TNS1: variants seen among roughly 807,000 people sequenced by gnomAD.
The protein encoded by TNS1 is tensin-1.
In TNS1, 62 loss-of-function variants were observed where a neutral mutation model predicts 168.6. That is an observed-to-expected ratio of 0.37 (90% CI 0.30 to 0.45). TNS1 has a LOEUF of 0.45. Among genes scored for constraint, TNS1 ranks in the 20% least tolerant of loss-of-function variants. The probability of loss-of-function intolerance (pLI) is 1.00; values close to 1 mark genes in which losing one functional copy is unlikely to be tolerated. For synonymous variants in TNS1, 934 were observed against 933.2 expected (o/e 1.00, Z -0.02); for missense variants, 2,240 against 2,339.4 (o/e 0.96, Z 0.88).
chr2:217,885,918 G>GCC (rs1951157095), intron 14 of TNS1, 99 bp from the exon 15 acceptor site: 3 of 1,554,324 alleles, frequency 1.9e-6, no homozygotes, highest in Non-Finnish European at 2.7e-6. Flanking sequence ...GGGTTAGTGG[G>GCC]AAACCTCTCT....
chr2:217,940,416 C>A (rs1575120120), intron 3 of TNS1, among the ~76,000 whole-genome samples: 1 of 152,322 alleles, frequency 6.6e-6, no homozygotes, highest in East Asian at 1.9e-4. Flanking sequence ...ACCAGAGGCA[C>A]TGGCAGCCGA....
chr2:217,861,633 C>A (rs894531769), intron 18 of TNS1, among the ~76,000 whole-genome samples: 10 of 152,258 alleles, frequency 6.6e-5, no homozygotes, highest in African/African-American at 2.4e-4. Context: ...CTACCAACTA[C>A]TAGCTTAAGG....
chr2:217,983,584 T>C (rs913854242), intron 2 of TNS1, among the ~76,000 whole-genome samples: 11 of 152,218 alleles, frequency 7.2e-5, no homozygotes, highest in African/African-American at 2.7e-4. Flanking sequence ...CTGGGGTTGC[T>C]TCCTGCCTCT....
At chr2:217,844,011 A>G (rs1265224062) in intron 19 of TNS1, among the ~76,000 whole-genome samples, 1 of 152,024 alleles carries the variant, frequency 6.6e-6, no homozygotes, top group Non-Finnish European at 1.5e-5. Context: ...GTCTAACACC[A>G]AGGCTTCATC....
chr2:217,841,670 G>A (rs755195325), intron 19 of TNS1, among the ~76,000 whole-genome samples: 28 of 152,002 alleles, frequency 1.8e-4, no homozygotes, highest in African/African-American at 3.9e-4. Flanking sequence ...GAGAATTCAC[G>A]CATCCCTCAC....
chr2:217,889,745 G>A (rs113823704), intron 12 of TNS1, among the ~76,000 whole-genome samples: 69 of 152,254 alleles, frequency 4.5e-4, no homozygotes, highest in African/African-American at 1.5e-3. Context: ...CTTGCCTGGC[G>A]GATTCAGCAC....
intron 4 of TNS1, among the ~76,000 whole-genome samples, chr2:217,910,949 G>T (rs1954335406): frequency 6.6e-6 from 1 of 152,104 alleles, no homozygotes; most frequent in Admixed American, 6.5e-5. Context: ...CCACTGCCAG[G>T]CTCATCTCAC....
At chr2:218,001,570 G>A (rs1559408424) in intron 1 of TNS1, among the ~76,000 whole-genome samples, 2 of 152,100 alleles carry the variant, frequency 1.3e-5, no homozygotes, top group East Asian at 1.9e-4. Flanking sequence ...GCACAGAGAC[G>A]AACCTGGCCA....
intron 2 of TNS1, among the ~76,000 whole-genome samples, chr2:217,988,222 C>G (rs1358215784): frequency 6.6e-6 from 1 of 152,224 alleles, no homozygotes; most frequent in Non-Finnish European, 1.5e-5. Flanking sequence ...TCCACTCACC[C>G]TCCCCTCCGG....
At chr2:218,025,440 G>A (rs1218616356) in intron 1 of TNS1, among the ~76,000 whole-genome samples, 1 of 152,080 alleles carries the variant, frequency 6.6e-6, no homozygotes. Context: ...AGTAGAGACT[G>A]GGTTTTACCA....
At chr2:217,903,575 C>T in intron 6 of TNS1, 2 of 1,534,268 alleles carry the variant, frequency 1.3e-6, no homozygotes, top group Non-Finnish European at 1.7e-6. Context: ...ACTCTCTAAA[C>T]ACCAAACAGA....
chr2:217,931,108 C>T (rs1377258098), intron 3 of TNS1, among the ~76,000 whole-genome samples: 3 of 152,104 alleles, frequency 2.0e-5, no homozygotes, highest in African/African-American at 7.2e-5. Context: ...TGGCCCCGCC[C>T]GGGAGGGAAA....
chr2:218,019,534 T>C (rs886788008), intron 1 of TNS1, among the ~76,000 whole-genome samples: 2 of 152,192 alleles, frequency 1.3e-5, no homozygotes, highest in African/African-American at 4.8e-5. Flanking sequence ...GGAGGAGGAC[T>C]CACGGGGCCT....
At chr2:217,846,162 G>A (rs1946621175) in intron 19 of TNS1, among the ~76,000 whole-genome samples, 2 of 152,184 alleles carry the variant, frequency 1.3e-5, no homozygotes, top group African/African-American at 2.4e-5. Flanking sequence ...TTGTTCCGAT[G>A]CTCAGGTAAA....
rs767631747 is a variant in TNS1 at position 217,920,180 on chromosome 2, A to G, written c.228+15T>C. 8.5e-6 allele frequency: 6 copies of G among 702,990 alleles called. No homozygotes were observed. In the South Asian group the frequency reaches 8.9e-5, roughly 10 times the overall value. The allele number at this position is 702,990 out of a possible 1,614,324, so 43.5% of individuals were successfully genotyped here. A position where few individuals can be genotyped will look rare whatever the true frequency, so the allele number is the denominator to read the frequency against. On this transcript the variant is annotated intron_variant, in intron 4 of 32. Transcript: ENST00000682258. ...GGAGGCAGGGCTTGCAGGGCAAGGA[A>G]GGGCTGTCACTCACCACCAGCTCAT...
intron 31 of TNS1, among the ~76,000 whole-genome samples, 198 bp from the exon 32 acceptor site, chr2:217,808,305 C>T (rs536653957): frequency 1.3e-5 from 2 of 151,712 alleles, no homozygotes; most frequent in Admixed American, 6.5e-5. Context: ...CGAGAGAACA[C>T]TGCAGCCTGC....
At chr2:217,911,882 C>G (rs1954451329) in intron 4 of TNS1, among the ~76,000 whole-genome samples, 1 of 152,182 alleles carries the variant, frequency 6.6e-6, no homozygotes, top group Non-Finnish European at 1.5e-5. Flanking sequence ...CTGTCCAGGT[C>G]CTCAGTAGGA....
chr2:217,972,390 C>T (rs1358422379), intron 3 of TNS1, among the ~76,000 whole-genome samples: 1 of 152,222 alleles, frequency 6.6e-6, no homozygotes, highest in African/African-American at 2.4e-5. Flanking sequence ...AAGCCTCCAA[C>T]CCAACTGTAA....
chr2:217,884,059 CTTCT>C (rs1559296419), intron 16 of TNS1, among the ~76,000 whole-genome samples: 1 of 138,504 alleles, frequency 7.2e-6, no homozygotes, highest in African/African-American at 2.7e-5. Flanking sequence ...TAGGGCCTGA[CTTCT>C]TTCTGTTCAT....
Sources: allele counts gnomAD v4.1 joint callset (sites outside exome capture counted in the v4.1 genomes callset), GRCh38; gene constraint gnomAD v4.1.1; transcripts MANE v1.5; gene names NCBI Gene and HGNC (gene_info 2026-07-23, HGNC 2026-07-21).